Variants in PRDM15 observed in about 807,000 individuals in gnomAD.
PRDM15 encodes the protein PR domain zinc finger protein 15.
PRDM15 carries 64 observed loss-of-function variants against 128.6 expected under a neutral mutation model. That is an observed-to-expected ratio of 0.50 (90% CI 0.41 to 0.61). The LOEUF (loss-of-function observed/expected upper bound fraction) is 0.61, where lower values mean the gene tolerates loss of function less well. Among genes scored for constraint, PRDM15 ranks in the 20% least tolerant of loss-of-function variants. PRDM15 has a pLI of 0.00. For missense variants in PRDM15, 1,242 were observed against 1,569.1 expected, an observed-to-expected ratio of 0.79 and a Z score of 3.52; for synonymous variants, 615 against 621.8, an observed-to-expected ratio of 0.99 and a Z score of 0.16.
In PRDM15 at chr21:41,822,163, C is replaced by T. The variant is rs557091845; in HGVS notation, c.1762-126G>A. On this transcript the variant is annotated intron_variant, in intron 14 of 23. Coordinates refer to ENST00000398548, the MANE Select transcript of PRDM15 (RefSeq NM_001040424.3). The stretch of plus-strand genomic sequence containing the variant: ...GAAAATGCCTCTCTGATGCCCGTGG[C>T]GCCCTAACGAGCTACACTTGTGCCC... 1.7e-4 allele frequency: 224 copies of T among 1,323,832 alleles called. 1 individual carries two copies. In the African/African-American group the frequency reaches 1.9e-3, roughly 11 times the overall value. The allele number at this position is 1,323,832 out of a possible 1,614,324, so 82.0% of individuals were successfully genotyped here. A position where few individuals can be genotyped will look rare whatever the true frequency, so the allele number is the denominator to read the frequency against.
chr21:41,810,552 A>G lies in PRDM15; in HGVS notation c.2476+201T>C. On this transcript the variant is annotated intron_variant, in intron 20 of 23. Coordinates refer to ENST00000398548, the MANE Select transcript of PRDM15 (RefSeq NM_001040424.3). This position sits in a 1 kb window ranked among gnomAD's most constrained non-coding sequence, Gnocchi z 6.4. The stretch of plus-strand genomic sequence containing the variant: ...GCAGCTGCATCACGGAACCAATATG[A>G]GAAAATTCAAGAAGGGATACTTGAA... The G allele has an allele frequency of 1.6e-6, 1 of 642,230 alleles. No individual in the cohort carries two copies. The highest frequency in any genetic ancestry group is 2.7e-6 in the Non-Finnish European group (1 of 372,896). 39.8% of individuals were successfully genotyped at this position (642,230 alleles called of 1,614,324 possible). A position where few individuals can be genotyped will look rare whatever the true frequency, so the allele number is the denominator to read the frequency against.
At chr21:41,818,299 T>A (rs1325366909) in intron 18 of PRDM15, among the ~76,000 whole-genome samples, 2 of 152,240 alleles carry the variant, frequency 1.3e-5, no homozygotes, top group African/African-American at 4.8e-5. Context: ...CCTGTCCCGC[T>A]AAGGCAGGCA....
intron 1 of PRDM15, among the ~76,000 whole-genome samples, chr21:41,875,533 C>T (rs995701375): frequency 2.6e-5 from 4 of 152,238 alleles, no homozygotes; most frequent in Non-Finnish European, 5.9e-5. Flanking sequence ...AATAAAACTG[C>T]CATGTCACTC....
chr21:41,815,683 G>A lies in PRDM15; in HGVS notation c.2392+22C>T, dbSNP rs557699171. On this transcript the variant is annotated intron_variant, in intron 19 of 23. Transcript: ENST00000398548. ...CTACACAGTGAGCGCCGTGGCTGGC[G>A]CGGCCCGGGCCTCGGACTCACCCGT... 108 of 1,610,470 alleles carry A rather than the reference G, an allele frequency of 6.7e-5. 1 individual carries two copies. The highest frequency in any genetic ancestry group is 6.6e-4 in the Middle Eastern group (4 of 6,044).
At position 41,879,218 on chromosome 21, in the gene PRDM15, C is replaced by CGGCGGGGCGCACGCCGGGGCGGA. The variant is rs1569040400; in HGVS notation, c.-10+51_-10+52insTCCGCCCCGGCGTGCGCCCCGCC. The CGGCGGGGCGCACGCCGGGGCGGA allele has an allele frequency of 1.5e-5, 12 of 775,250 alleles. No individual in the cohort carries two copies. Among genetic ancestry groups the CGGCGGGGCGCACGCCGGGGCGGA allele is most frequent in the African/African-American group, 2.0e-5 (1 of 50,520 alleles). The allele number at this position is 775,250 out of a possible 1,614,324, so 48.0% of individuals were successfully genotyped here. A position where few individuals can be genotyped will look rare whatever the true frequency, so the allele number is the denominator to read the frequency against. On this transcript the variant is annotated intron_variant, in intron 1 of 23. Coordinates refer to ENST00000398548, the MANE Select transcript of PRDM15 (RefSeq NM_001040424.3). The surrounding 1 kb of genome is among the most constrained non-coding windows in gnomAD (Gnocchi z 5.1). ...CGGGGGCAGCGGGTGCGGCCCGGGGCCGGCGGGGCGCACGCCGGGGCGGGC... is the reference window on the plus strand; with the variant it reads ...CGGGGGCAGCGGGTGCGGCCCGGGGCGGCGGGGCGCACGCCGGGGCGGACGGCGGGGCGCACGCCGGGGCGGGC...
chr21:41,822,073 G>A (rs777880437), intron 14 of PRDM15, 36 bp from the exon 15 acceptor site: 26 of 1,611,326 alleles, frequency 1.6e-5, no homozygotes, highest in Middle Eastern at 1.6e-4. Context: ...TTCTAACAGC[G>A]CAGCAGACGC....
intron 1 of PRDM15, chr21:41,878,628 C>T: frequency 1.0e-6 from 1 of 996,130 alleles, no homozygotes; most frequent in Non-Finnish European, 1.4e-6. Flanking sequence ...ATCCACCTCG[C>T]TACCTTCTCT....
rs761105774 is a variant in PRDM15, at chr21:41,837,997, C to T, written c.938G>A (p.Arg313Gln). The change falls in exon 8 of 24, where the codon CGG (arginine) becomes CAG (glutamine). Residue 313 changes from arginine to glutamine, a missense_variant. Arg to Gln is a conservative substitution (Grantham distance 43). Transcript: ENST00000398548. Reference sequence around the variant, plus strand: ...CTTCCCCAGAACCAGCTCCATGATCCGCTCATCTGGCGTTGCACTCACAGG... The same window carrying T: ...CTTCCCCAGAACCAGCTCCATGATCTGCTCATCTGGCGTTGCACTCACAGG... ...DEPVSATPDE[R>Q]IMELVLGKLA... 1.5e-5 allele frequency: 25 copies of T among 1,614,070 alleles called. No homozygotes were observed. The highest frequency in any genetic ancestry group is 8.9e-5 in the East Asian group (4 of 44,894).
At position 41,854,293 on chromosome 21, in the gene PRDM15, G is replaced by A. The variant is rs555995240; in HGVS notation, c.538+273C>T. Among the ~76,000 whole-genome samples the A allele has an allele frequency of 7.9e-5, 12 of 152,250 alleles. No individual in the cohort carries two copies. In the East Asian group the frequency reaches 1.4e-3, roughly 17 times the overall value. Reference sequence around the variant, plus strand: ...ACCATGCACTCATGACAATGCCATCGCCCCAGGACACATTTCTGAGAATGT... The same window carrying A: ...ACCATGCACTCATGACAATGCCATCACCCCAGGACACATTTCTGAGAATGT... On this transcript the variant is annotated intron_variant, in intron 5 of 23. Coordinates refer to ENST00000398548, the MANE Select transcript of PRDM15 (RefSeq NM_001040424.3). This position sits in a 1 kb window ranked among gnomAD's most constrained non-coding sequence, Gnocchi z 4.6.
In PRDM15 at chr21:41,862,540, G is replaced by GC. The variant is rs776875310; in HGVS notation, c.-9-2169dup. On this transcript the variant is annotated intron_variant, in intron 1 of 23. Coordinates refer to ENST00000398548, the MANE Select transcript of PRDM15 (RefSeq NM_001040424.3). This position sits in a 1 kb window ranked among gnomAD's most constrained non-coding sequence, Gnocchi z 4.1. ...AGGGAAGCTGGAGAGCAGGGTTTTA[G>GC]CCCCCTGTGCTGCACTCTGATTCTA... Among the ~76,000 whole-genome samples, 12 of 152,158 alleles carry GC rather than the reference G, an allele frequency of 7.9e-5. No homozygotes were observed. The highest frequency in any genetic ancestry group is 1.8e-4 in the Non-Finnish European group (12 of 68,024).
chr21:41,821,280 G>C lies in PRDM15; in HGVS notation c.1897-50C>G. ...TGCTGACACCCGCATGAGGTCCCTG[G>C]TCCTCTTAGCTAATGAGGTCGTGTC... On this transcript the variant is annotated intron_variant, in intron 15 of 23. Coordinates refer to ENST00000398548, the MANE Select transcript of PRDM15 (RefSeq NM_001040424.3). This position sits in a 1 kb window ranked among gnomAD's most constrained non-coding sequence, Gnocchi z 5.4. The C allele has an allele frequency of 6.2e-7, 1 of 1,608,324 alleles. No homozygotes were observed. Among genetic ancestry groups the C allele is most frequent in the Non-Finnish European group, 8.5e-7 (1 of 1,177,112 alleles).
intron 23 of PRDM15, among the ~76,000 whole-genome samples, chr21:41,802,397 C>G (rs933877042): frequency 3.3e-5 from 5 of 152,218 alleles, no homozygotes; most frequent in Admixed American, 1.3e-4. Context: ...CATAAGGGCA[C>G]TTGGGTAGGC....
chr21:41,812,419 T>C (rs989486921), intron 19 of PRDM15: 2 of 152,142 alleles, frequency 1.3e-5, no homozygotes, highest in African/African-American at 2.4e-5. Context: ...GGTGGCCTTG[T>C]GGTGGAAACA....
Position 41,859,644 on chromosome 21 carries a change from C to G in PRDM15, c.79G>C (p.Glu27Gln). 1 of 1,613,924 alleles carries G rather than the reference C, an allele frequency of 6.2e-7. No individual in the cohort carries two copies. Among genetic ancestry groups the G allele is most frequent in the Non-Finnish European group, 8.5e-7 (1 of 1,179,980 alleles). ...CSQYHDSECP[E>Q]LGPVVMVKDS... ...TTGACCATGACCACTGGGCCCAGCT[C>G]GGGACATTCGGAGTCGTGGTACTGG... Residue 27 changes from glutamate to glutamine, a missense_variant, in exon 3 of 24, where the codon GAG (glutamate) becomes CAG (glutamine). Transcript: ENST00000398548. This position sits in a 1 kb window ranked among gnomAD's most constrained non-coding sequence, Gnocchi z 5.3.
intron 22 of PRDM15, 22 bp downstream of exon 22, chr21:41,804,512 C>T: frequency 6.4e-7 from 1 of 1,551,762 alleles, no homozygotes; most frequent in Non-Finnish European, 8.7e-7. Flanking sequence ...TTTCTGAGCC[C>T]CTGGGGCCCC....
intron 1 of PRDM15, among the ~76,000 whole-genome samples, chr21:41,868,053 A>T (rs940352197): frequency 7.1e-4 from 108 of 151,712 alleles, no homozygotes; most frequent in Admixed American, 1.5e-3. Flanking sequence ...AAAAAAAAAA[A>T]AGAATGTCAT....
At chr21:41,865,284 T>C (rs1475163072) in intron 1 of PRDM15, among the ~76,000 whole-genome samples, 1 of 152,192 alleles carries the variant, frequency 6.6e-6, no homozygotes, top group Non-Finnish European at 1.5e-5. Context: ...CAGCGTGGCA[T>C]GCTTTCTAAA....
chr21:41,802,191 A>C (rs2061434276), intron 23 of PRDM15, among the ~76,000 whole-genome samples: 1 of 152,234 alleles, frequency 6.6e-6, no homozygotes, highest in Non-Finnish European at 1.5e-5. Context: ...ACCATCCCCC[A>C]AAACAAGAGA....
intron 21 of PRDM15, among the ~76,000 whole-genome samples, chr21:41,808,096 C>T (rs2061738317): frequency 6.6e-6 from 1 of 152,144 alleles, no homozygotes; most frequent in Admixed American, 6.5e-5. Context: ...TGATGTGCAC[C>T]GTCTTTATCA....
Sources: allele counts gnomAD v4.1 joint callset (sites outside exome capture counted in the v4.1 genomes callset), GRCh38; gene constraint gnomAD v4.1.1; non-coding constraint Gnocchi (gnomAD v3.1); transcripts MANE v1.5; gene names NCBI Gene and HGNC (gene_info 2026-07-23, HGNC 2026-07-21).